Variants in FGF1 observed in about 807,000 individuals in gnomAD.
The protein encoded by FGF1 is fibroblast growth factor 1.
In FGF1, 9 loss-of-function variants were observed where a neutral mutation model predicts 13.4. The observed-to-expected ratio is 0.67, with a 90% CI of 0.40 to 1.17. The LOEUF (loss-of-function observed/expected upper bound fraction) is 1.17. FGF1 is among the 50% of genes most tolerant of loss of function. The pLI is 0.01. For synonymous variants in FGF1, 93 were observed against 79.0 expected, an observed-to-expected ratio of 1.18 and a Z score of -0.94; for missense variants, 156 against 192.7, an observed-to-expected ratio of 0.81 and a Z score of 1.13.
chr5:142,694,088 AATCTATCTATCT>A (rs35496779), intron 2 of FGF1, among the ~76,000 whole-genome samples: 2,951 of 140,588 alleles, frequency 0.021, 46 homozygotes, highest in Non-Finnish European at 0.028. Context: ...ATCTATCTAT[AATCTATCTATCT>A]ATCTATCTAT....
chr5:142,635,037 C>T (rs1169232793), intron 1 of FGF1, among the ~76,000 whole-genome samples: 1 of 152,072 alleles, frequency 6.6e-6, no homozygotes, highest in African/African-American at 2.4e-5. Flanking sequence ...TGTACCTTTT[C>T]CACTTAATTT....
chr5:142,688,155 T>C (rs1381195987), upstream of FGF1, among the ~76,000 whole-genome samples: 1 of 152,254 alleles, frequency 6.6e-6, no homozygotes. Flanking sequence ...TGACATATGC[T>C]AATTTATCTA....
chr5:142,636,407 GC>G (rs1410273083), intron 1 of FGF1, among the ~76,000 whole-genome samples: 4 of 152,184 alleles, frequency 2.6e-5, no homozygotes, highest in African/African-American at 9.7e-5. Context: ...GTTTGTCTCT[GC>G]CTCTTATTTT....
chr5:142,620,169 C>G lies in FGF1; in HGVS notation c.-34-6008G>C, dbSNP rs547776585. Among the ~76,000 whole-genome samples the G allele has an allele frequency of 2.4e-4, 36 of 151,866 alleles. No individual in the cohort carries two copies. In the East Asian group the frequency reaches 6.4e-3, roughly 27 times the overall value. On this transcript the variant is annotated intron_variant, in intron 1 of 3. Transcript: ENST00000337706. ...GCGGTGGCTCACGCCTGTAATCCCA[C>G]CACTTTGGGAGGCCGAGGTGGGCGG...
chr5:142,662,268 A>G (rs1401321292), intron 1 of FGF1, among the ~76,000 whole-genome samples: 1 of 152,198 alleles, frequency 6.6e-6, no homozygotes, highest in Non-Finnish European at 1.5e-5. Context: ...ATAATTGTGA[A>G]TTATATCTCA....
chr5:142,634,874 C>CTT (rs56711125), intron 1 of FGF1, among the ~76,000 whole-genome samples: 2 of 143,330 alleles, frequency 1.4e-5, no homozygotes, highest in South Asian at 2.2e-4. Context: ...CTTTTTTTTT[C>CTT]TTTTTTTTTT....
Position 142,600,824 on chromosome 5 carries a change from G to T in FGF1, c.170-19C>A, listed in dbSNP as rs750269415. 2 of 1,572,698 alleles carry T rather than the reference G, an allele frequency of 1.3e-6. No homozygotes were observed. The highest frequency in any genetic ancestry group is 8.7e-7 in the Non-Finnish European group (1 of 1,145,948). ...AGCTGAACTGGAATAAAAATAACAC[G>T]AGCAAAAGTAAATAAACACTACGCT... is the stretch of plus-strand genomic sequence containing the variant. On this transcript the variant is annotated intron_variant, in intron 2 of 3. Transcript: ENST00000337706.
intron 2 of FGF1, among the ~76,000 whole-genome samples, chr5:142,694,088 AATCTATCTATCTATCTATCTATCT>A (rs35496779): frequency 1.6e-3 from 218 of 140,610 alleles, no homozygotes; most frequent in African/African-American, 5.5e-3. Flanking sequence ...ATCTATCTAT[AATCTATCTATCTATCTATCTATCT>A]ATCTATCTAT....
At chr5:142,674,252 G>A (rs989797338) in intron 1 of FGF1, among the ~76,000 whole-genome samples, 4 of 152,084 alleles carry the variant, frequency 2.6e-5, no homozygotes, top group South Asian at 2.1e-4. Flanking sequence ...CTACTTTTTC[G>A]TGTGTTATGC....
At position 142,662,470 on chromosome 5, in the gene FGF1, A is replaced by G. The variant is rs146254483; in HGVS notation, c.-35+23487T>C. Among the ~76,000 whole-genome samples the G allele has an allele frequency of 1.2e-3, 181 of 152,326 alleles. 1 individual carries two copies. Among genetic ancestry groups the G allele is most frequent in the African/African-American group, 4.0e-3 (165 of 41,574 alleles). On this transcript the variant is annotated intron_variant, in intron 1 of 3. Transcript: ENST00000337706. ...ATGGTCATTTTCCATTAGAAGATAA[A>G]CTTCAAGAGGGGAAGGATTTTTGTT...
intron 2 of FGF1, 111 bp from the exon 3 acceptor site, chr5:142,600,916 G>T: frequency 1.4e-6 from 1 of 722,626 alleles, no homozygotes. Flanking sequence ...ATTTCACGGA[G>T]CCCTCAGGGA....
At chr5:142,631,312 G>A (rs1334903599) in intron 1 of FGF1, among the ~76,000 whole-genome samples, 2 of 152,162 alleles carry the variant, frequency 1.3e-5, no homozygotes, top group Non-Finnish European at 2.9e-5. Context: ...AGAGCCTGCT[G>A]CAGAATTCCT....
At chr5:142,600,932 C>G (rs886978244) in intron 2 of FGF1, 127 bp from the exon 3 acceptor site, 3 of 668,472 alleles carry the variant, frequency 4.5e-6, no homozygotes, top group Non-Finnish European at 8.1e-6. Flanking sequence ...AGGGATGAGC[C>G]TCAGATTAAT....
intron 2 of FGF1, among the ~76,000 whole-genome samples, chr5:142,696,078 C>T (rs769645769): frequency 3.3e-5 from 5 of 152,154 alleles, no homozygotes; most frequent in Admixed American, 6.5e-5. Context: ...GGGCCTGGTG[C>T]ATGGTCTGGG....
chr5:142,646,110 T>C (rs943080272), intron 1 of FGF1, among the ~76,000 whole-genome samples: 44 of 151,162 alleles, frequency 2.9e-4, no homozygotes, highest in African/African-American at 9.7e-4. Flanking sequence ...GGGGTTTCAG[T>C]GTGTTAGCCA....
At chr5:142,676,890 T>C (rs1772717448) in intron 1 of FGF1, among the ~76,000 whole-genome samples, 1 of 150,928 alleles carries the variant, frequency 6.6e-6, no homozygotes, top group African/African-American at 2.5e-5. Flanking sequence ...AAGATCCCCA[T>C]TTTTACTTCA....
intron 1 of FGF1, among the ~76,000 whole-genome samples, chr5:142,624,139 C>T (rs537194695): frequency 2.0e-5 from 3 of 152,244 alleles, no homozygotes; most frequent in East Asian, 3.9e-4. Context: ...AGGCTGGTCT[C>T]GAACTCTGGA....
At chr5:142,667,051 G>A (rs972152226) in intron 1 of FGF1, among the ~76,000 whole-genome samples, 5 of 152,182 alleles carry the variant, frequency 3.3e-5, no homozygotes, top group East Asian at 1.9e-4. Flanking sequence ...GGAGGCCAAG[G>A]CAGGCGCATC....
At chr5:142,647,468 C>T (rs529684363) in intron 1 of FGF1, among the ~76,000 whole-genome samples, 1 of 152,310 alleles carries the variant, frequency 6.6e-6, no homozygotes, top group African/African-American at 2.4e-5. Context: ...CCCATGTGCA[C>T]ACACAATGCA....
Sources: gnomAD v4.1 joint callset for allele counts (sites outside exome capture counted in the v4.1 genomes callset) on GRCh38, gnomAD v4.1.1 for gene constraint, MANE v1.5 for transcripts, NCBI Gene and HGNC (gene_info 2026-07-23, HGNC 2026-07-21) for gene names.